Variants in ABR observed in about 807,000 individuals in gnomAD.
The protein encoded by ABR is ABR activator of RhoGEF and GTPase, also known as active breakpoint cluster region-related protein.
Under a neutral mutation model 107.2 loss-of-function variants are expected in ABR, and 35 were observed. The ratio of observed to expected loss-of-function variants is 0.33; its 90% confidence interval spans 0.25 to 0.43. ABR has a LOEUF of 0.43. ABR is among the 20% of genes least tolerant of loss of function. The probability of loss-of-function intolerance (pLI) is 1.00; values close to 1 mark genes in which losing one functional copy is unlikely to be tolerated. For missense variants in ABR, 815 were observed against 1,115.2 expected (o/e 0.73, Z 3.83); for synonymous variants, 498 against 462.0 (o/e 1.08, Z -1.00).
At position 1,125,270 on chromosome 17, in the gene ABR, C is replaced by T. The variant is rs147154003; in HGVS notation, c.159G>A (p.Ser53=). 1.2e-5 allele frequency: 20 copies of T among 1,613,366 alleles called. No homozygotes were observed. The highest frequency in any genetic ancestry group is 4.0e-5 in the African/African-American group (3 of 74,888). Residue 53 remains serine, a synonymous_variant, in exon 2 of 23, where the codon TCG becomes TCA. Transcript: ENST00000302538. ...CGCTGAGCTGCGGGGACATGGTGGG[C>T]GACTCATCGATGTACGGCATGGTCT... is the stretch of plus-strand genomic sequence containing the variant. The part of the protein sequence containing the change: ...GSETMPYIDE[S]PTMSPQLSAR...
At chr17:1,020,181 C>T (rs1227675929) in intron 16 of ABR, among the ~76,000 whole-genome samples, 6 of 152,118 alleles carry the variant, frequency 3.9e-5, no homozygotes, top group East Asian at 1.9e-4. Flanking sequence ...CCTTCGGGTT[C>T]GAGCGATTCT....
chr17:1,080,686 C>T (rs2036162897), intron 5 of ABR, among the ~76,000 whole-genome samples: 1 of 143,992 alleles, frequency 6.9e-6, no homozygotes, highest in African/African-American at 2.6e-5. Context: ...GCAGGAACTT[C>T]CTACTTCTGT....
At chr17:1,145,067 C>A (rs1318296188) in intron 1 of ABR, among the ~76,000 whole-genome samples, 1 of 151,872 alleles carries the variant, frequency 6.6e-6, no homozygotes, top group Admixed American at 6.6e-5. Context: ...GAAAATAAAT[C>A]CTCTACAAAG....
chr17:1,046,358 G>A (rs1378468801), intron 16 of ABR, among the ~76,000 whole-genome samples: 7 of 125,932 alleles, frequency 5.6e-5, no homozygotes, highest in Admixed American at 2.9e-4. Context: ...GGCGGGTCTT[G>A]AACTCCCGAC....
chr17:1,097,321 T>C (rs916668224), intron 3 of ABR, among the ~76,000 whole-genome samples: 2 of 152,184 alleles, frequency 1.3e-5, no homozygotes, highest in African/African-American at 4.8e-5. Context: ...CCGGACACAG[T>C]GGCTCACATC....
At chr17:1,065,437 C>T (rs1446889729) in intron 10 of ABR, among the ~76,000 whole-genome samples, 5 of 72,920 alleles carry the variant, frequency 6.9e-5, no homozygotes, top group African/African-American at 2.3e-4. Flanking sequence ...TTCCTCTAGA[C>T]GCTGTTGTTA....
chr17:1,193,132 G>A (rs774523898), intron 1 of ABR, among the ~76,000 whole-genome samples: 35 of 152,322 alleles, frequency 2.3e-4, no homozygotes, highest in Middle Eastern at 6.8e-3. Context: ...TGACTGTGGA[G>A]AAGGTTCTTT....
chr17:1,111,587 C>G (rs1321930569), intron 2 of ABR, among the ~76,000 whole-genome samples: 1 of 152,198 alleles, frequency 6.6e-6, no homozygotes, highest in Non-Finnish European at 1.5e-5. Flanking sequence ...AAGCCAGAGG[C>G]CTCCCTCTCC....
At chr17:1,124,561 A>AC (rs1402670438) in intron 2 of ABR, among the ~76,000 whole-genome samples, 19 of 152,248 alleles carry the variant, frequency 1.2e-4, no homozygotes, top group African/African-American at 4.6e-4. Flanking sequence ...AATGACAAGG[A>AC]CCGCAAACCC....
intron 1 of ABR, among the ~76,000 whole-genome samples, chr17:1,147,107 C>T (rs1185603113): frequency 3.3e-5 from 5 of 152,252 alleles, no homozygotes; most frequent in African/African-American, 1.2e-4. Flanking sequence ...TCCTGGCTAA[C>T]AAACTGTAAG....
intron 16 of ABR, among the ~76,000 whole-genome samples, chr17:1,035,572 C>T (rs963499825): frequency 0.1 from 17 of 166 alleles, no homozygotes; most frequent in Non-Finnish European, 0.15. Context: ...CCCTTCCATC[C>T]CCCACACCTG....
Position 1,067,178 on chromosome 17 carries a change from C to CG in ABR, c.1080dup (p.Glu361ArgfsTer4). The stretch of plus-strand genomic sequence containing the variant: ...ACCTGGGGGCTGGCCTCAGACTCCT[C>CG]GGGGGATGGAAACACCAGGTCGGCC... On this transcript the variant is annotated frameshift_variant, in exon 10 of 23. Coordinates refer to ENST00000302538, the MANE Select transcript of ABR (RefSeq NM_021962.5). LOFTEE classifies it high-confidence loss of function. 6.2e-7 allele frequency: 1 copy of CG among 1,613,318 alleles called. No individual in the cohort carries two copies. Among genetic ancestry groups the CG allele is most frequent in the Non-Finnish European group, 8.5e-7 (1 of 1,179,740 alleles).
intron 2 of ABR, among the ~76,000 whole-genome samples, chr17:1,123,671 T>A (rs1400207683): frequency 6.6e-6 from 1 of 152,172 alleles, no homozygotes; most frequent in Non-Finnish European, 1.5e-5. Flanking sequence ...CTGCTCACAG[T>A]GGGGTGAGAG....
Position 1,050,442 on chromosome 17 carries a change from A to G in ABR, c.1659+95T>C, listed in dbSNP as rs1358610193. ...GGAGCAGAAAGGGGGGTGCAGACAT[A>G]GCTGGTCCAACCAATGGGCTGGCCG... On this transcript the variant is annotated intron_variant, in intron 15 of 22. Coordinates refer to ENST00000302538, the MANE Select transcript of ABR (RefSeq NM_021962.5). This position sits in a 1 kb window ranked among gnomAD's most constrained non-coding sequence, Gnocchi z 4.6. The G allele has an allele frequency of 2.5e-6, 3 of 1,219,740 alleles. No homozygotes were observed. The highest frequency in any genetic ancestry group is 2.3e-5 in the East Asian group (1 of 42,888). The allele number at this position is 1,219,740 out of a possible 1,614,324, so 75.6% of individuals were successfully genotyped here. A position where few individuals can be genotyped will look rare whatever the true frequency, so the allele number is the denominator to read the frequency against.
chr17:1,170,469 T>G (rs1287159294), intron 1 of ABR, among the ~76,000 whole-genome samples: 2 of 152,112 alleles, frequency 1.3e-5, no homozygotes, highest in African/African-American at 4.8e-5. Flanking sequence ...TGGAGTCTCA[T>G]TCTGTCGCCC....
At chr17:1,165,310 C>T (rs1410210762) in intron 1 of ABR, among the ~76,000 whole-genome samples, 10 of 152,244 alleles carry the variant, frequency 6.6e-5, no homozygotes, top group Admixed American at 2.6e-4. Flanking sequence ...GGGAGCTCCT[C>T]ACAAGCCAGT....
intron 1 of ABR, among the ~76,000 whole-genome samples, chr17:1,135,768 CG>C (rs1322259241): frequency 2.6e-5 from 4 of 151,996 alleles, no homozygotes; most frequent in Non-Finnish European, 4.4e-5. Context: ...CCCAGCTATT[CG>C]GGGGGCTGAG....
At chr17:1,146,633 ACATGCCACCACTG>A (rs2040540861) in intron 1 of ABR, among the ~76,000 whole-genome samples, 13 of 33,258 alleles carry the variant, frequency 3.9e-4, no homozygotes, top group African/African-American at 1.7e-3. Flanking sequence ...CACCACTGCC[ACATGCCACCACTG>A]CCACATGCCA....
At chr17:1,173,420 G>C (rs1567858449) in intron 1 of ABR, among the ~76,000 whole-genome samples, 1 of 140,138 alleles carries the variant, frequency 7.1e-6, no homozygotes, top group Admixed American at 7.5e-5. Flanking sequence ...CCTGGCAGGG[G>C]CAGTGGGCGC....
Sources: gnomAD v4.1 joint callset for allele counts (sites outside exome capture counted in the v4.1 genomes callset) on GRCh38, gnomAD v4.1.1 for gene constraint, Gnocchi (gnomAD v3.1) non-coding constraint, MANE v1.5 for transcripts, NCBI Gene and HGNC (gene_info 2026-07-23, HGNC 2026-07-21) for gene names.